Variants in MEIOB observed in about 807,000 individuals in gnomAD.
MEIOB encodes the protein meiosis-specific with OB domain-containing protein.
In MEIOB, 50 loss-of-function variants were observed where a neutral mutation model predicts 53.1. That is an observed-to-expected ratio of 0.94 (90% CI 0.75 to 1.19). The LOEUF is 1.19. Ranked by LOEUF, MEIOB falls within the 50% of genes most tolerant of loss-of-function variation. The pLI, the probability that MEIOB is intolerant of heterozygous loss-of-function variation, is 0.00. For synonymous variants in MEIOB, 192 were observed against 182.5 expected, an observed-to-expected ratio of 1.05 and a Z score of -0.42; for missense variants, 551 against 550.8, an observed-to-expected ratio of 1.00 and a Z score of 0.00.
chr16:1,847,607 G>T (rs969920361), intron 9 of MEIOB, among the ~76,000 whole-genome samples: 2 of 151,984 alleles, frequency 1.3e-5, no homozygotes, highest in African/African-American at 4.8e-5. Flanking sequence ...GAAGAGGGGA[G>T]GGGAGGGGAG....
intron 3 of MEIOB, among the ~76,000 whole-genome samples, chr16:1,863,220 G>C (rs1899492261): frequency 6.6e-6 from 1 of 152,052 alleles, no homozygotes; most frequent in South Asian, 2.1e-4. Flanking sequence ...GGGTGTTCAT[G>C]AAATGTACAC....
In MEIOB at chr16:1,855,876, T is replaced by A. The variant is rs1899286483; in HGVS notation, c.529-1676A>T. ...ACGTTCTCTCAGTCACCATTTAATA[T>A]AACAAGCAATTCACATTTACTTACA... is the stretch of plus-strand genomic sequence containing the variant. On this transcript the variant is annotated intron_variant, in intron 6 of 13. Coordinates refer to ENST00000325962, the MANE Select transcript of MEIOB (RefSeq NM_001163560.3). Among the ~76,000 whole-genome samples, 7 of 151,974 alleles carry A rather than the reference T, an allele frequency of 4.6e-5. No individual in the cohort carries two copies. The South Asian group carries it at 1.5e-3, about 32-fold the overall frequency.
intron 2 of MEIOB, among the ~76,000 whole-genome samples, chr16:1,866,719 G>T (rs2999969): frequency 0.83 from 125,480 of 152,042 alleles, 51,923 homozygotes; most frequent in Middle Eastern, 0.9. Flanking sequence ...GGACTCCATC[G>T]CAAAAAATAA....
At chr16:1,857,044 A>G (rs1899326218) in intron 6 of MEIOB, among the ~76,000 whole-genome samples, 1 of 152,154 alleles carries the variant, frequency 6.6e-6, no homozygotes, top group Non-Finnish European at 1.5e-5. Context: ...TCACAGGTGT[A>G]AGCCACTGTG....
chr16:1,841,769 A>G (rs1418429369), intron 11 of MEIOB, 51 bp downstream of exon 11: 1 of 1,348,244 alleles, frequency 7.4e-7, no homozygotes, highest in Non-Finnish European at 9.9e-7. Context: ...TTTATTAACA[A>G]TAATTATTTC....
At chr16:1,856,647 C>T (rs945161198) in intron 6 of MEIOB, among the ~76,000 whole-genome samples, 1 of 150,894 alleles carries the variant, frequency 6.6e-6, no homozygotes. Flanking sequence ...TTTTTAGTGG[C>T]GATGGTGTTT....
intron 11 of MEIOB, among the ~76,000 whole-genome samples, chr16:1,840,650 G>C (rs893883536): frequency 6.6e-6 from 1 of 151,712 alleles, no homozygotes; most frequent in South Asian, 2.1e-4. Context: ...CCAGGTCCAC[G>C]CCATTCTCCT....
chr16:1,865,915 CT>C, intron 2 of MEIOB, 80 bp from the exon 3 acceptor site: 1 of 909,004 alleles, frequency 1.1e-6, no homozygotes, highest in Non-Finnish European at 1.7e-6. Context: ...GCTTGTTATA[CT>C]TTACTGGCTC....
At chr16:1,859,579 C>T (rs1394699768) in intron 5 of MEIOB, among the ~76,000 whole-genome samples, 1 of 151,992 alleles carries the variant, frequency 6.6e-6, no homozygotes, top group African/African-American at 2.4e-5. Flanking sequence ...GAAATACAAA[C>T]GTTCTTAGTG....
At chr16:1,838,105 T>C in intron 12 of MEIOB, 1 of 645,020 alleles carries the variant, frequency 1.6e-6, no homozygotes, top group South Asian at 2.2e-5. Context: ...CAAGCAATCC[T>C]CCCTCAGCTT....
At position 1,854,104 on chromosome 16, in the gene MEIOB, T is replaced by G; in HGVS notation, c.625A>C (p.Thr209Pro). 6.5e-7 allele frequency: 1 copy of G among 1,541,658 alleles called. No homozygotes were observed. Among genetic ancestry groups the G allele is most frequent in the Non-Finnish European group, 8.8e-7 (1 of 1,138,194 alleles). Residue 209 changes from threonine to proline, a missense_variant, in exon 7 of 14, where the codon ACA (threonine) becomes CCA (proline). Thr to Pro is a conservative substitution (Grantham distance 38, BLOSUM62 -1). Transcript: ENST00000325962. ...GGAACAGACATCGGTGTTTACCATG[T>G]CATCGCAAAAGACGACTCTGTTTCA... Reference protein sequence around the residue: ...YDETESSFAMTCWDNESILLA... With the variant: ...YDETESSFAMPCWDNESILLA...
chr16:1,838,244 C>A, intron 12 of MEIOB: 1 of 415,422 alleles, frequency 2.4e-6, no homozygotes, highest in East Asian at 3.4e-5. Context: ...AAGTGATCCT[C>A]CTGCCTCAGC....
At chr16:1,847,908 T>A (rs749340037) in intron 9 of MEIOB, among the ~76,000 whole-genome samples, 2 of 152,264 alleles carry the variant, frequency 1.3e-5, no homozygotes, top group South Asian at 4.1e-4. Flanking sequence ...GCCAACATTT[T>A]AAAAAATGTT....
rs370304721 is a variant in MEIOB, at chr16:1,853,109, T to C, written c.708A>G (p.Ile236Met). The C allele has an allele frequency of 4.3e-6, 7 of 1,612,564 alleles. No individual in the cohort carries two copies. Among genetic ancestry groups the C allele is most frequent in the Non-Finnish European group, 5.9e-6 (7 of 1,179,008 alleles). Residue 236 changes from isoleucine (I) to methionine (M), a missense_variant, in exon 9 of 14, where the codon ATA becomes ATG. By Grantham distance (10) the Ile-to-Met change is conservative. Transcript: ENST00000325962. ...ETVIFASDVR[I>M]NFDKFRNCMT... ...TGCAGTTCCGAAATTTGTCAAAATT[T>C]ATTCTTACATCTGAGGCAAATATTA...
At chr16:1,848,460 G>C (rs60068666) in intron 9 of MEIOB, among the ~76,000 whole-genome samples, 26,439 of 150,760 alleles carry the variant, frequency 0.18, 2,462 homozygotes, top group South Asian at 0.26. Context: ...TTTCCTCCTG[G>C]TCCCTCCCGC....
At chr16:1,840,700 C>G (rs557488816) in intron 11 of MEIOB, among the ~76,000 whole-genome samples, 7 of 152,204 alleles carry the variant, frequency 4.6e-5, no homozygotes, top group South Asian at 2.1e-4. Flanking sequence ...AGGCGCCCAC[C>G]ACCATGCCCG....
chr16:1,848,230 A>G (rs1383910698), intron 9 of MEIOB, among the ~76,000 whole-genome samples: 1 of 152,146 alleles, frequency 6.6e-6, no homozygotes, highest in Non-Finnish European at 1.5e-5. Context: ...ACTGCTACTG[A>G]TATTAAACAC....
At chr16:1,852,696 C>T (rs1437088912) in intron 9 of MEIOB, among the ~76,000 whole-genome samples, 1 of 152,102 alleles carries the variant, frequency 6.6e-6, no homozygotes, top group Non-Finnish European at 1.5e-5. Flanking sequence ...GCTGGGATTA[C>T]AGGCGCCCAC....
In MEIOB at chr16:1,853,080, G is replaced by C; in HGVS notation, c.737C>G (p.Thr246Arg). The C allele has an allele frequency of 3.1e-6, 5 of 1,612,924 alleles. No homozygotes were observed. Among genetic ancestry groups the C allele is most frequent in the Non-Finnish European group, 3.4e-6 (4 of 1,179,212 alleles). ...AATGGTTTTTGAGATTACAGTTGCT[G>C]TCATGCAGTTCCGAAATTTGTCAAA... is the stretch of plus-strand genomic sequence containing the variant. Reference protein sequence around the residue: ...INFDKFRNCMTATVISKTIIT... With the variant: ...INFDKFRNCMRATVISKTIIT... Residue 246 changes from threonine to arginine, a missense_variant, in exon 9 of 14, where the codon ACA (threonine) becomes AGA (arginine). Thr to Arg is a moderately conservative substitution (Grantham distance 71). Coordinates refer to ENST00000325962, the MANE Select transcript of MEIOB (RefSeq NM_001163560.3).
Sources: allele counts gnomAD v4.1 joint callset (sites outside exome capture counted in the v4.1 genomes callset), GRCh38; gene constraint gnomAD v4.1.1; transcripts MANE v1.5; gene names NCBI Gene and HGNC (gene_info 2026-07-23, HGNC 2026-07-21).